DIAPH2: variants seen among roughly 807,000 people sequenced by gnomAD.
The protein encoded by DIAPH2 is diaphanous related formin 2.
Under a neutral mutation model 92.7 loss-of-function variants are expected in DIAPH2, and 35 were observed. The ratio of observed to expected loss-of-function variants is 0.38; its 90% CI spans 0.29 to 0.50. The LOEUF (loss-of-function observed/expected upper bound fraction) is 0.50. Among genes scored for constraint, DIAPH2 ranks in the 20% least tolerant of loss-of-function variants. DIAPH2 has a pLI of 0.94. For synonymous variants in DIAPH2, 301 were observed against 280.4 expected (o/e 1.07, Z -0.73); for missense variants, 701 against 819.5 (o/e 0.86, Z 1.77).
intron 25 of DIAPH2, among the ~76,000 whole-genome samples, chrX:97,386,493 C>T (rs374875441): frequency 3.6e-4 from 40 of 110,795 alleles, no homozygotes; most frequent in East Asian, 2.6e-3. Flanking sequence ...TATGGTGAAA[C>T]ACCGTCTCTA....
intron 26 of DIAPH2, among the ~76,000 whole-genome samples, chrX:97,530,632 A>G (rs891200224): frequency 8.9e-6 from 1 of 111,993 alleles, no homozygotes; most frequent in African/African-American, 3.2e-5. Context: ...TAATTGGCTT[A>G]TGAAGAAACT....
intron 23 of DIAPH2, among the ~76,000 whole-genome samples, chrX:97,258,865 C>T (rs1444065740): frequency 1.3e-4 from 8 of 62,876 alleles, no homozygotes; most frequent in Non-Finnish European, 1.7e-4. Context: ...AGCGAGACTC[C>T]GTCTCAAAAA....
chrX:97,234,596 T>C (rs1294044445), intron 22 of DIAPH2, among the ~76,000 whole-genome samples: 1 of 111,846 alleles, frequency 8.9e-6, no homozygotes, highest in African/African-American at 3.3e-5. Context: ...GCCTTTATAG[T>C]CCAAAAGCAG....
intron 23 of DIAPH2, among the ~76,000 whole-genome samples, chrX:97,288,540 G>A (rs1372179283): frequency 9.1e-6 from 1 of 110,187 alleles, no homozygotes; most frequent in Non-Finnish European, 1.9e-5. Context: ...TCAGGAGTTC[G>A]AGAACAGCCT....
intron 23 of DIAPH2, among the ~76,000 whole-genome samples, chrX:97,298,742 G>T (rs1259303904): frequency 9.2e-6 from 1 of 108,322 alleles, no homozygotes. Flanking sequence ...AGCCTCCCAA[G>T]TAGCTGGGAC....
In DIAPH2 at chrX:96,684,891, G is replaced by C; in HGVS notation, c.-168G>C. The stretch of plus-strand genomic sequence containing the variant: ...GGCGTGGTTGCGTCGGGGGTGCCTG[G>C]GAGCCTGGAGTCCCGGGGGCCTGAA... On this transcript the variant is annotated 5_prime_UTR_variant, in exon 1 of 27. Coordinates refer to ENST00000324765, the MANE Select transcript of DIAPH2 (RefSeq NM_006729.5). 1 of 563,589 alleles carries C rather than the reference G, an allele frequency of 1.8e-6. No homozygotes were observed. 46.4% of individuals were successfully genotyped at this position (563,589 alleles called of 1,213,427 possible).
chrX:97,297,076 C>T (rs1241431952), intron 23 of DIAPH2, among the ~76,000 whole-genome samples: 47 of 20,719 alleles, frequency 2.3e-3, no homozygotes, highest in Admixed American at 5.4e-3. Context: ...CAGGCCTGGC[C>T]TTTTTTTTTT....
chrX:96,936,241 A>C (rs1040715306), intron 10 of DIAPH2, among the ~76,000 whole-genome samples: 3 of 111,957 alleles, frequency 2.7e-5, no homozygotes, highest in African/African-American at 9.7e-5. Flanking sequence ...AAATTGCTGA[A>C]ATTTGTTTGG....
intron 23 of DIAPH2, among the ~76,000 whole-genome samples, chrX:97,321,749 C>A (rs1453143817): frequency 9.1e-6 from 1 of 109,670 alleles, no homozygotes; most frequent in African/African-American, 3.3e-5. Context: ...CGGGGTTTCA[C>A]CATGTTAGCC....
At chrX:97,407,837 A>T (rs2069825729) in intron 25 of DIAPH2, among the ~76,000 whole-genome samples, 1 of 111,962 alleles carries the variant, frequency 8.9e-6, no homozygotes, top group African/African-American at 3.2e-5. Flanking sequence ...GAAGTTTTTG[A>T]ATTAAAAATA....
rs1256675823 is a variant in DIAPH2 at position 97,324,094 on chromosome X, T to TTTCAATAAAAGATGA, written c.2845-24022_2845-24021insTTCAATAAAAGATGA. Among the ~76,000 whole-genome samples the TTTCAATAAAAGATGA allele has an allele frequency of 2.7e-5, 3 of 111,092 alleles. No homozygotes were observed. In the East Asian group the frequency reaches 8.4e-4, roughly 31 times the overall value. On this transcript the variant is annotated intron_variant, in intron 23 of 26. Transcript: ENST00000324765. Reference sequence around the variant, plus strand: ...ACCCTTTGGTGCCTACAGATGACTCTCCTTTCAATAAAACATATTTAAATA... The same window carrying TTTCAATAAAAGATGA: ...ACCCTTTGGTGCCTACAGATGACTCTTTCAATAAAAGATGACCTTTCAATAAAACATATTTAAATA...
At chrX:96,749,884 C>T in intron 3 of DIAPH2, among the ~76,000 whole-genome samples, 1 of 110,564 alleles carries the variant, frequency 9.0e-6, no homozygotes, top group East Asian at 2.8e-4. Flanking sequence ...AGGGGACTGA[C>T]TTGGAAGTTG....
At chrX:97,338,968 A>G (rs2069089163) in intron 23 of DIAPH2, among the ~76,000 whole-genome samples, 1 of 111,970 alleles carries the variant, frequency 8.9e-6, no homozygotes, top group African/African-American at 3.3e-5. Flanking sequence ...CAAAACCAAT[A>G]TAAATGTACA....
At chrX:97,016,865 T>G (rs772935170) in intron 17 of DIAPH2, among the ~76,000 whole-genome samples, 5 of 112,614 alleles carry the variant, frequency 4.4e-5, no homozygotes, top group Non-Finnish European at 9.4e-5. Flanking sequence ...GCTGCAAGTC[T>G]TCATGGTTGT....
chrX:97,521,420 T>G (rs1602646081), intron 26 of DIAPH2, among the ~76,000 whole-genome samples: 1 of 112,033 alleles, frequency 8.9e-6, no homozygotes, highest in Non-Finnish European at 1.9e-5. Context: ...ACACATTCCT[T>G]GCCTTTCCTC....
intron 17 of DIAPH2, among the ~76,000 whole-genome samples, chrX:96,992,044 A>G (rs1422997761): frequency 1.8e-5 from 2 of 110,906 alleles, no homozygotes; most frequent in African/African-American, 3.3e-5. Flanking sequence ...ATGCATCTCT[A>G]GGTGGTCAAA....
chrX:96,967,395 TATTCATTC>T (rs369521457), intron 17 of DIAPH2, among the ~76,000 whole-genome samples: 5,039 of 105,762 alleles, frequency 0.048, 334 homozygotes, highest in African/African-American at 0.16. Flanking sequence ...TTTATTTATT[TATTCATTC>T]ATTCATTCAT....
chrX:97,255,294 T>G (rs2068228023), intron 23 of DIAPH2, among the ~76,000 whole-genome samples: 2 of 111,885 alleles, frequency 1.8e-5, no homozygotes, highest in South Asian at 7.5e-4. Flanking sequence ...GTAAACTGAT[T>G]TAAAAATTAG....
At chrX:97,015,670 A>T (rs756649603) in intron 17 of DIAPH2, among the ~76,000 whole-genome samples, 16 of 110,413 alleles carry the variant, frequency 1.4e-4, no homozygotes, top group Non-Finnish European at 3.0e-4. Flanking sequence ...CATCTTCCTC[A>T]ATTTAAGCAA....
Sources: gnomAD v4.1 joint callset for allele counts (sites outside exome capture counted in the v4.1 genomes callset) on GRCh38, gnomAD v4.1.1 for gene constraint, MANE v1.5 for transcripts, NCBI Gene and HGNC (gene_info 2026-07-23, HGNC 2026-07-21) for gene names.